KIF6: variants seen among roughly 807,000 people sequenced by gnomAD.
KIF6 encodes the protein kinesin family member 6, also known as kinesin-like protein KIF6.
Under a neutral mutation model 112.7 loss-of-function variants are expected in KIF6, and 106 were observed. The observed-to-expected ratio is 0.94, with a 90% CI of 0.80 to 1.11. KIF6 has a LOEUF of 1.11. Ranked by LOEUF, KIF6 falls within the 50% of genes least tolerant of loss-of-function variation. The pLI is 0.00. For synonymous variants in KIF6, 339 were observed against 339.9 expected (o/e 1.00, Z 0.03); for missense variants, 929 against 964.0 (o/e 0.96, Z 0.48).
rs556353070 is a variant in KIF6, at chr6:39,720,811, T to G, written c.67A>C (p.Ile23Leu). 7.3e-7 allele frequency: 1 copy of G among 1,377,352 alleles called. No individual in the cohort carries two copies. The highest frequency in any genetic ancestry group is 1.4e-5 in the African/African-American group (1 of 70,416). 85.3% of individuals were successfully genotyped at this position (1,377,352 alleles called of 1,614,324 possible). A position where few individuals can be genotyped will look rare whatever the true frequency, so the allele number is the denominator to read the frequency against. ...TTTTCATCTTCATCTATGGAATAAA[T>G]CTGCAAATGTGAAGACAACAAATGG... ...KPPVRKHQQG[I>L]YSIDEDEKLI... Residue 23 changes from isoleucine to leucine, a missense_variant and splice_region_variant, in exon 2 of 23, where the codon ATT becomes CTT. Physicochemically the swap from Ile to Leu is conservative, Grantham distance 5. This residue lies in a region of KIF6 where 688 missense variants were observed against 662.7 expected (regional missense o/e 1.04). Coordinates refer to ENST00000287152, the MANE Select transcript of KIF6 (RefSeq NM_145027.6).
At chr6:39,488,951 T>A (rs2150471902) in intron 13 of KIF6, among the ~76,000 whole-genome samples, 1 of 152,310 alleles carries the variant, frequency 6.6e-6, no homozygotes, top group Non-Finnish European at 1.5e-5. Flanking sequence ...ACCTTTATGA[T>A]TTCACCTAAT....
intron 16 of KIF6, among the ~76,000 whole-genome samples, chr6:39,377,246 G>A (rs910013631): frequency 2.0e-5 from 3 of 152,176 alleles, no homozygotes; most frequent in East Asian, 1.9e-4. Context: ...ATGAGGTCTC[G>A]CTATGCTGCC....
chr6:39,560,902 T>G (rs1338936679), intron 10 of KIF6, among the ~76,000 whole-genome samples: 1 of 152,232 alleles, frequency 6.6e-6, no homozygotes, highest in African/African-American at 2.4e-5. Context: ...CTCTAAAATT[T>G]TGTGCTTTGT....
At chr6:39,695,219 A>C (rs1788452498) in intron 3 of KIF6, among the ~76,000 whole-genome samples, 1 of 152,202 alleles carries the variant, frequency 6.6e-6, no homozygotes, top group South Asian at 2.1e-4. Context: ...AATTTCTGAA[A>C]GAAAACCTAG....
chr6:39,430,327 C>A (rs975297637), intron 14 of KIF6, among the ~76,000 whole-genome samples: 12 of 152,124 alleles, frequency 7.9e-5, no homozygotes, highest in Non-Finnish European at 1.2e-4. Context: ...AAACTCAGAT[C>A]TCATTTTAAT....
At chr6:39,450,139 AAG>A (rs1178706487) in intron 13 of KIF6, among the ~76,000 whole-genome samples, 1 of 152,234 alleles carries the variant, frequency 6.6e-6, no homozygotes, top group Admixed American at 6.5e-5. Flanking sequence ...TTTTCCTGGC[AAG>A]AGTTTCCATT....
intron 3 of KIF6, among the ~76,000 whole-genome samples, chr6:39,668,231 A>G (rs958693155): frequency 7.8e-6 from 1 of 129,018 alleles, no homozygotes; most frequent in African/African-American, 2.8e-5. Flanking sequence ...AGACTAACAC[A>G]TGTCTTTCAG....
intron 7 of KIF6, among the ~76,000 whole-genome samples, chr6:39,589,882 T>C (rs1192324789): frequency 6.6e-6 from 1 of 152,228 alleles, no homozygotes; most frequent in Non-Finnish European, 1.5e-5. Context: ...ACCATGCTTC[T>C]TAAAATAGCT....
chr6:39,656,099 T>A (rs1219783243), intron 3 of KIF6, among the ~76,000 whole-genome samples: 1 of 152,196 alleles, frequency 6.6e-6, no homozygotes, highest in Non-Finnish European at 1.5e-5. Flanking sequence ...CATTCATGTT[T>A]TTTAAAATGT....
chr6:39,717,639 C>T (rs1384643343), intron 2 of KIF6, among the ~76,000 whole-genome samples: 1 of 152,108 alleles, frequency 6.6e-6, no homozygotes, highest in African/African-American at 2.4e-5. Flanking sequence ...TCTATCTCCT[C>T]CCACTAAAAT....
intron 13 of KIF6, among the ~76,000 whole-genome samples, chr6:39,529,571 G>T (rs1329734822): frequency 6.6e-6 from 1 of 152,328 alleles, no homozygotes; most frequent in Middle Eastern, 3.4e-3. Context: ...CAGATCACAA[G>T]GTCAAGAGAT....
intron 6 of KIF6, 139 bp downstream of exon 6, chr6:39,613,050 C>T (rs1783300826): frequency 1.8e-6 from 1 of 553,406 alleles, no homozygotes; most frequent in Non-Finnish European, 2.8e-6. Flanking sequence ...TCTTTATCTG[C>T]ATGTGAGGTT....
chr6:39,540,932 T>C (rs1561791603), intron 12 of KIF6, among the ~76,000 whole-genome samples: 1 of 152,226 alleles, frequency 6.6e-6, no homozygotes, highest in Non-Finnish European at 1.5e-5. Context: ...CCCTCTACCC[T>C]ACTTCAGTGT....
At chr6:39,523,856 G>A (rs1777550315) in intron 13 of KIF6, among the ~76,000 whole-genome samples, 1 of 151,418 alleles carries the variant, frequency 6.6e-6, no homozygotes, top group African/African-American at 2.4e-5. Context: ...GTTGACACAG[G>A]TACTGGGTCT....
At chr6:39,636,374 G>A (rs1418392660) in intron 4 of KIF6, among the ~76,000 whole-genome samples, 4 of 151,868 alleles carry the variant, frequency 2.6e-5, no homozygotes, top group Admixed American at 6.6e-5. Flanking sequence ...AAGGTGACAT[G>A]GACCGAATTA....
In KIF6 at chr6:39,330,661, G is replaced by T. The variant is rs533310509; in HGVS notation, c.*5871C>A. The T allele has an allele frequency of 1.3e-5, 2 of 152,362 alleles. No individual in the cohort carries two copies. Among genetic ancestry groups the T allele is most frequent in the East Asian group, 3.9e-4 (2 of 5,176 alleles). The allele number at this position is 152,362 out of a possible 1,614,324, so 9.4% of individuals were successfully genotyped here. ...TTGCTCTTTGCTGAGTTCCCTCTCA[G>T]TGTGGGTGAAACTGGCTCAGCCCTG... On this transcript the variant is annotated 3_prime_UTR_variant, in exon 23 of 23. Coordinates refer to ENST00000287152, the MANE Select transcript of KIF6 (RefSeq NM_145027.6).
chr6:39,631,966 G>T (rs1191696472), intron 5 of KIF6, among the ~76,000 whole-genome samples: 1 of 152,030 alleles, frequency 6.6e-6, no homozygotes, highest in Non-Finnish European at 1.5e-5. Context: ...ATTCAATTAT[G>T]TATTTCATCT....
At chr6:39,665,301 T>TA (rs1484160175) in intron 3 of KIF6, among the ~76,000 whole-genome samples, 7 of 152,184 alleles carry the variant, frequency 4.6e-5, no homozygotes, top group Non-Finnish European at 7.4e-5. Context: ...GAGAGGAAGT[T>TA]ACAATGTTTT....
In KIF6 at chr6:39,639,732, T is replaced by C; in HGVS notation, c.277A>G (p.Ile93Val). The change falls in exon 4 of 23, where the codon ATC becomes GTC. Residue 93 changes from isoleucine (I) to valine (V), a missense_variant. Around this residue, in one of 2 missense-constraint regions of KIF6, gnomAD observed 688 missense variants for 662.7 expected, o/e 1.04. Coordinates refer to ENST00000287152, the MANE Select transcript of KIF6 (RefSeq NM_145027.6). ...CTGCCTGTTTGCCCATATGCAAAGA[T>C]GGTACCATTGTAACCTGCCAGGACA... The part of the protein sequence containing the change: ...GSVLAGYNGT[I>V]FAYGQTGSGK... 2 of 1,612,146 alleles carry C rather than the reference T, an allele frequency of 1.2e-6. No individual in the cohort carries two copies. Among genetic ancestry groups the C allele is most frequent in the East Asian group, 2.2e-5 (1 of 44,790 alleles).
Sources: allele counts gnomAD v4.1 joint callset (sites outside exome capture counted in the v4.1 genomes callset), GRCh38; gene constraint gnomAD v4.1.1; regional missense constraint gnomAD v4.1.1; transcripts MANE v1.5; gene names NCBI Gene and HGNC (gene_info 2026-07-23, HGNC 2026-07-21).